The following CCDC12 variants were observed in gnomAD, a reference collection of about 807,000 sequenced individuals.
CCDC12 encodes the protein coiled-coil domain containing 12.
CCDC12 carries 28 observed loss-of-function variants against 25.7 expected under a neutral mutation model. That is an observed-to-expected ratio of 1.09 (90% CI 0.81 to 1.50). CCDC12 has a LOEUF of 1.50. CCDC12 is among the 40% of genes most tolerant of loss of function. The pLI, the probability that CCDC12 is intolerant of heterozygous loss-of-function variation, is 0.00. For synonymous variants in CCDC12, 75 were observed against 87.7 expected (o/e 0.86, Z 0.81); for missense variants, 198 against 210.0 (o/e 0.94, Z 0.35).
At chr3:46,976,311 C>CTTA (rs1575569194) in intron 1 of CCDC12, 2 of 1,233,974 alleles carry the variant, frequency 1.6e-6, no homozygotes, top group East Asian at 8.5e-5. Context: ...TCACGCCTAA[C>CTTA]CCAACAAGCA....
intron 1 of CCDC12, among the ~76,000 whole-genome samples, chr3:46,941,333 T>C (rs1483955451): frequency 6.6e-6 from 1 of 152,080 alleles, no homozygotes; most frequent in Admixed American, 6.6e-5. Flanking sequence ...GAGGCCGAGG[T>C]GGGCGGATCT....
chr3:46,976,992 C>A, upstream of CCDC12: 1 of 560,108 alleles, frequency 1.8e-6, no homozygotes, highest in Non-Finnish European at 3.1e-6. Flanking sequence ...AGCTAAGGCT[C>A]GATTTATCCA....
intron 1 of CCDC12, among the ~76,000 whole-genome samples, chr3:46,968,126 C>A (rs565696765): frequency 1.2e-4 from 19 of 152,260 alleles, no homozygotes; most frequent in South Asian, 1.0e-3. Context: ...AATCTCCCAC[C>A]CAGAAGATTC....
intron 1 of CCDC12, among the ~76,000 whole-genome samples, chr3:46,942,040 C>G (rs4683292): frequency 0.95 from 144,214 of 152,314 alleles, 68,819 homozygotes; most frequent in East Asian, 1. Context: ...TTGAAGTCTA[C>G]AGAGTCATGT....
At position 46,948,376 on chromosome 3, in the gene CCDC12, T is replaced by C. The variant is rs114010790; in HGVS notation, c.97-7311A>G. Reference sequence around the variant, plus strand: ...GCTGGGAGAACAGCGAGGCTAGAGATAAGGACTGGAGATAAGGACGGGAAC... The same window carrying C: ...GCTGGGAGAACAGCGAGGCTAGAGACAAGGACTGGAGATAAGGACGGGAAC... On this transcript the variant is annotated intron_variant, in intron 1 of 6. Coordinates refer to ENST00000683445, the MANE Select transcript of CCDC12 (RefSeq NM_001277074.2). Among the ~76,000 whole-genome samples, 334 of 152,152 alleles carry C rather than the reference T, an allele frequency of 2.2e-3. 1 individual carries two copies. The highest frequency in any genetic ancestry group is 7.7e-3 in the African/African-American group (321 of 41,500).
At chr3:46,939,178 G>A (rs1205202216) in intron 2 of CCDC12, among the ~76,000 whole-genome samples, 1 of 152,134 alleles carries the variant, frequency 6.6e-6, no homozygotes, top group African/African-American at 2.4e-5. Context: ...ATATCATTTT[G>A]TGTTCCTAAA....
At chr3:46,976,862 G>C (rs753453485), upstream of CCDC12, 1 of 1,453,276 alleles carries the variant, frequency 6.9e-7, no homozygotes, top group Non-Finnish European at 9.1e-7. Flanking sequence ...CAATCAATGC[G>C]GGGTTATTAT....
At chr3:46,944,083 A>C (rs1169133342) in intron 1 of CCDC12, among the ~76,000 whole-genome samples, 1 of 152,158 alleles carries the variant, frequency 6.6e-6, no homozygotes, top group African/African-American at 2.4e-5. Context: ...GCTCACCCCT[A>C]CCTGAGAGAC....
chr3:46,976,437 C>T lies in CCDC12; in HGVS notation c.96+200G>A, dbSNP rs1031730843. 2.9e-5 allele frequency: 41 copies of T among 1,418,252 alleles called. No individual in the cohort carries two copies. The South Asian group carries it at 6.0e-4, about 21-fold the overall frequency. 87.9% of individuals were successfully genotyped at this position (1,418,252 alleles called of 1,614,324 possible). Reference sequence around the variant, plus strand: ...CCCACCCCCGCGCATGCGCGACGACCGCACCAGCGCCAGAGGAGTCCCACG... The same window carrying T: ...CCCACCCCCGCGCATGCGCGACGACTGCACCAGCGCCAGAGGAGTCCCACG... On this transcript the variant is annotated intron_variant, in intron 1 of 6. Transcript: ENST00000683445.
At chr3:46,939,782 C>T (rs1387500434) in intron 2 of CCDC12, among the ~76,000 whole-genome samples, 3 of 152,128 alleles carry the variant, frequency 2.0e-5, no homozygotes, top group East Asian at 1.9e-4. Context: ...CTCTGTAAGT[C>T]GTGTCTGTGA....
chr3:46,948,310 AAGGCTTCTGAGC>A (rs2033983850), intron 1 of CCDC12, among the ~76,000 whole-genome samples: 1 of 152,226 alleles, frequency 6.6e-6, no homozygotes, highest in African/African-American at 2.4e-5. Flanking sequence ...GTGTTCCCTA[AAGGCTTCTGAGC>A]AGAGCAAGAA....
intron 2 of CCDC12, among the ~76,000 whole-genome samples, chr3:46,937,474 T>C (rs1394957964): frequency 6.6e-6 from 1 of 152,088 alleles, no homozygotes; most frequent in Non-Finnish European, 1.5e-5. Context: ...CTGACTGAAG[T>C]AGGCTGTTCT....
chr3:46,957,998 T>C (rs75230443), intron 1 of CCDC12, among the ~76,000 whole-genome samples: 1,399 of 41,922 alleles, frequency 0.033, 25 homozygotes, highest in African/African-American at 0.067. Context: ...CACACACACA[T>C]ATATATGTAA....
upstream of CCDC12, among the ~76,000 whole-genome samples, chr3:46,980,645 G>C (rs1308473665): frequency 6.6e-6 from 1 of 152,148 alleles, no homozygotes; most frequent in African/African-American, 2.4e-5. Context: ...CGTTCCTCCT[G>C]AGCTCCCCAC....
intron 2 of CCDC12, among the ~76,000 whole-genome samples, chr3:46,934,187 T>C (rs1430124544): frequency 6.6e-6 from 1 of 152,270 alleles, no homozygotes; most frequent in African/African-American, 2.4e-5. Context: ...TTGGTCACAC[T>C]GGCCATGTGG....
chr3:46,925,022 A>G, intron 3 of CCDC12: 1 of 346,172 alleles, frequency 2.9e-6, no homozygotes, highest in South Asian at 2.2e-5. Context: ...CCCCTGCCTC[A>G]GTGCTCCACA....
intron 5 of CCDC12, chr3:46,922,814 C>T (rs564331295): frequency 5.2e-5 from 10 of 192,746 alleles, no homozygotes; most frequent in East Asian, 4.2e-4. Flanking sequence ...AAGAATCAGG[C>T]GAGAGGGATA....
rs561681737 is a variant in CCDC12, at chr3:46,966,470, T to C, written c.96+10167A>G. On this transcript the variant is annotated intron_variant, in intron 1 of 6. Coordinates refer to ENST00000683445, the MANE Select transcript of CCDC12 (RefSeq NM_001277074.2). The stretch of plus-strand genomic sequence containing the variant: ...GGCAGAGGCTGCAGTGAGCTGAGAC[T>C]GCGCCACTGCACCCCAGCCTGGGCG... Among the ~76,000 whole-genome samples the C allele has an allele frequency of 7.3e-5, 11 of 151,406 alleles. No individual in the cohort carries two copies. In the East Asian group the frequency reaches 1.8e-3, roughly 24 times the overall value.
intron 1 of CCDC12, among the ~76,000 whole-genome samples, chr3:46,970,859 G>C (rs1350054713): frequency 6.6e-6 from 1 of 152,174 alleles, no homozygotes; most frequent in East Asian, 1.9e-4. Flanking sequence ...GCCTTGAACT[G>C]TTCACCTACT....
Sources: gnomAD v4.1 joint callset for allele counts (sites outside exome capture counted in the v4.1 genomes callset) on GRCh38, gnomAD v4.1.1 for gene constraint, MANE v1.5 for transcripts, NCBI Gene and HGNC (gene_info 2026-07-23, HGNC 2026-07-21) for gene names.